The following SLC15A1 variants were observed in gnomAD, a reference collection of about 807,000 sequenced individuals.
SLC15A1 encodes Caco-2 oligopeptide transporter.
In SLC15A1, 83 loss-of-function variants were observed where a neutral mutation model predicts 92.9. The observed-to-expected ratio is 0.89, with a 90% CI of 0.75 to 1.07. SLC15A1 has a LOEUF of 1.07. Among genes scored for constraint, SLC15A1 ranks in the 50% least tolerant of loss-of-function variants. The probability of loss-of-function intolerance (pLI) is 0.00; values close to 1 mark genes in which losing one functional copy is unlikely to be tolerated. For synonymous variants in SLC15A1, 322 were observed against 318.2 expected, an observed-to-expected ratio of 1.01 and a Z score of -0.13; for missense variants, 857 against 880.1, an observed-to-expected ratio of 0.97 and a Z score of 0.33.
In SLC15A1 at chr13:98,726,430, A is replaced by G. The variant is rs1271755007; in HGVS notation, c.41T>C (p.Leu14Pro). The G allele has an allele frequency of 6.2e-7, 1 of 1,614,088 alleles. No homozygotes were observed. Among genetic ancestry groups the G allele is most frequent in the South Asian group, 1.1e-5 (1 of 91,076 alleles). Residue 14 changes from leucine to proline, a missense_variant, in exon 3 of 23, where the codon CTG becomes CCG. By Grantham distance (98) the Leu-to-Pro change is moderately conservative. Coordinates refer to ENST00000376503, the MANE Select transcript of SLC15A1 (RefSeq NM_005073.4). ...ATTGACCACGATGAAGAAGATGCTC[A>G]GGGGATAACCAAAGAAACTCTGACA... Reference protein sequence around the residue: ...SKSHSFFGYPLSIFFIVVNEF... With the variant: ...SKSHSFFGYPPSIFFIVVNEF...
chr13:98,736,552 G>A lies in SLC15A1; in HGVS notation c.5-9693C>T, dbSNP rs183863443. ...AAGAAACTGCCATCGGAGTGAACAG[G>A]TAACCAACAGAATGGGAGAAAATGT... On this transcript the variant is annotated intron_variant, in intron 1 of 22. Transcript: ENST00000376503. 9.2e-4 allele frequency among the ~76,000 whole-genome samples: 140 copies of A among 152,250 alleles called. 1 individual carries two copies. Among genetic ancestry groups the A allele is most frequent in the African/African-American group, 3.2e-3 (131 of 41,550 alleles).
intron 5 of SLC15A1, 106 bp from the exon 6 acceptor site, chr13:98,722,009 A>G: frequency 1.2e-6 from 1 of 839,466 alleles, no homozygotes; most frequent in Non-Finnish European, 1.8e-6. Flanking sequence ...ACACACATAG[A>G]GAAGAAGACA....
chr13:98,740,155 G>T (rs1356926074), intron 1 of SLC15A1, among the ~76,000 whole-genome samples: 1 of 152,198 alleles, frequency 6.6e-6, no homozygotes. Flanking sequence ...TTTGGGTGGA[G>T]GTTGCTATAG....
At chr13:98,734,920 A>G (rs968295308) in intron 1 of SLC15A1, among the ~76,000 whole-genome samples, 1 of 152,238 alleles carries the variant, frequency 6.6e-6, no homozygotes, top group African/African-American at 2.4e-5. Context: ...AGGAGCTGGT[A>G]CCATTCCTTC....
intron 1 of SLC15A1, among the ~76,000 whole-genome samples, chr13:98,741,501 C>T (rs59346425): frequency 0.012 from 1,883 of 152,094 alleles, 43 homozygotes; most frequent in African/African-American, 0.043. Flanking sequence ...TTTGGGAGGT[C>T]GAGGCAGGTG....
intron 1 of SLC15A1, among the ~76,000 whole-genome samples, chr13:98,738,450 C>T (rs535939451): frequency 2.0e-5 from 3 of 152,388 alleles, no homozygotes; most frequent in African/African-American, 7.2e-5. Context: ...AGAATGGTTT[C>T]ATGGGCCAGC....
chr13:98,724,031 C>G lies in SLC15A1; in HGVS notation c.246G>C (p.Lys82Asn). 3 of 1,613,890 alleles carry G rather than the reference C, an allele frequency of 1.9e-6. No individual in the cohort carries two copies. The highest frequency in any genetic ancestry group is 2.5e-6 in the Non-Finnish European group (3 of 1,179,940). ...AGACAATGGAGAGCGACACAATGGT[C>G]CTGTGTTTCCAAAGATTAAGAGAAT... ...LIADSWLGKF[K>N]TIVSLSIVYT... Residue 82 changes from lysine to asparagine, a missense_variant and splice_region_variant, in exon 5 of 23, where the codon AAG becomes AAC. Transcript: ENST00000376503.
chr13:98,738,739 G>A (rs1047970019), intron 1 of SLC15A1, among the ~76,000 whole-genome samples: 8 of 152,260 alleles, frequency 5.3e-5, no homozygotes, highest in African/African-American at 1.9e-4. Flanking sequence ...AGCACTCACA[G>A]AGAACCTCTG....
intron 16 of SLC15A1, among the ~76,000 whole-genome samples, chr13:98,705,890 A>C (rs2088108670): frequency 1.3e-5 from 1 of 79,046 alleles, no homozygotes; most frequent in South Asian, 3.2e-4. Context: ...GCAAGACTCC[A>C]TCTAAAAAAA....
chr13:98,742,397 A>G (rs1351021895), intron 1 of SLC15A1, among the ~76,000 whole-genome samples: 1 of 152,196 alleles, frequency 6.6e-6, no homozygotes, highest in Non-Finnish European at 1.5e-5. Flanking sequence ...TGTGCTGGAC[A>G]GCCTGCCTTC....
intron 10 of SLC15A1, 31 bp from the exon 11 acceptor site, chr13:98,711,974 GC>G: frequency 6.6e-7 from 1 of 1,509,324 alleles, no homozygotes; most frequent in Non-Finnish European, 9.2e-7. Flanking sequence ...GGACAAATCA[GC>G]CACACCCTGT....
At chr13:98,749,320 G>A (rs996532936) in intron 1 of SLC15A1, among the ~76,000 whole-genome samples, 2 of 152,222 alleles carry the variant, frequency 1.3e-5, no homozygotes, top group Non-Finnish European at 2.9e-5. Context: ...CTGAGATCTG[G>A]TGGGGCAGGA....
At chr13:98,693,013 A>T (rs1419075902) in intron 18 of SLC15A1, among the ~76,000 whole-genome samples, 1 of 149,020 alleles carries the variant, frequency 6.7e-6, no homozygotes, top group African/African-American at 2.5e-5. Flanking sequence ...TGCTGGGATT[A>T]TAGGCATGAG....
chr13:98,690,659 G>A (rs745403434), intron 18 of SLC15A1, among the ~76,000 whole-genome samples: 2 of 152,146 alleles, frequency 1.3e-5, no homozygotes, highest in Non-Finnish European at 2.9e-5. Flanking sequence ...TCTGGGAAAT[G>A]CGTCCGGAGG....
intron 8 of SLC15A1, among the ~76,000 whole-genome samples, chr13:98,718,911 C>T (rs944258373): frequency 3.9e-5 from 6 of 152,156 alleles, no homozygotes; most frequent in African/African-American, 1.4e-4. Flanking sequence ...CCTTGGCCTC[C>T]CAAAGTGCTG....
At chr13:98,749,111 C>A (rs2088520391) in intron 1 of SLC15A1, among the ~76,000 whole-genome samples, 1 of 152,212 alleles carries the variant, frequency 6.6e-6, no homozygotes, top group African/African-American at 2.4e-5. Flanking sequence ...GGGACCACCT[C>A]TATAGCTTGC....
At chr13:98,691,070 T>G (rs1360541188) in intron 18 of SLC15A1, among the ~76,000 whole-genome samples, 4 of 152,118 alleles carry the variant, frequency 2.6e-5, no homozygotes, top group Admixed American at 6.5e-5. Context: ...TTGAGATGGA[T>G]TCTCACCCTG....
chr13:98,726,975 G>T, intron 1 of SLC15A1, 116 bp from the exon 2 acceptor site: 1 of 874,366 alleles, frequency 1.1e-6, no homozygotes, highest in Non-Finnish European at 1.9e-6. Context: ...TCACCAAACA[G>T]CTCCAGCCCT....
At chr13:98,701,810 A>G (rs1566445841) in intron 18 of SLC15A1, among the ~76,000 whole-genome samples, 2 of 151,596 alleles carry the variant, frequency 1.3e-5, no homozygotes, top group Non-Finnish European at 2.9e-5. Context: ...AGCTGGGATT[A>G]CAGGCATGTG....
Sources: gnomAD v4.1 joint callset for allele counts (sites outside exome capture counted in the v4.1 genomes callset) on GRCh38, gnomAD v4.1.1 for gene constraint, MANE v1.5 for transcripts, NCBI Gene and HGNC (gene_info 2026-07-23, HGNC 2026-07-21) for gene names.